The following VWA3B variants were observed in gnomAD, a reference collection of about 807,000 sequenced individuals.
The protein encoded by VWA3B is von Willebrand factor A domain containing 3B.
Under a neutral mutation model 158.3 loss-of-function variants are expected in VWA3B, and 138 were observed. That is an observed-to-expected ratio of 0.87 (90% CI 0.76 to 1.00). VWA3B has a LOEUF of 1.00. VWA3B is among the 50% of genes least tolerant of loss of function. The pLI, the probability that VWA3B is intolerant of heterozygous loss-of-function variation, is 0.00. For missense variants in VWA3B, 1,555 were observed against 1,565.1 expected (o/e 0.99, Z 0.11); for synonymous variants, 596 against 587.3 (o/e 1.01, Z -0.21).
chr2:98,312,251 G>T lies in VWA3B; in HGVS notation c.3787G>T (p.Ala1263Ser), dbSNP rs1690954593. Reference protein sequence around the residue: ...AAGRLGLSSHAIIATPPPRAA... With the variant: ...AAGRLGLSSHSIIATPPPRAA... ...CGGGCGTCTAGGACTCAGCAGCCAC[G>T]CCATCATTGCCACACCTCCACCTCG... is the stretch of plus-strand genomic sequence containing the variant. Residue 1263 changes from alanine (A) to serine (S), a missense_variant, in exon 28 of 28, where the codon GCC becomes TCC. Transcript: ENST00000477737. The T allele has an allele frequency of 1.2e-6, 2 of 1,614,092 alleles. No individual in the cohort carries two copies.
At chr2:98,212,451 A>T (rs1169165931) in intron 13 of VWA3B, among the ~76,000 whole-genome samples, 4 of 152,234 alleles carry the variant, frequency 2.6e-5, no homozygotes, top group African/African-American at 9.6e-5. Context: ...TTTAAACAAA[A>T]ACATGCCTTT....
At chr2:98,269,324 T>G (rs1688058768) in intron 21 of VWA3B, 1 of 152,110 alleles carries the variant, frequency 6.6e-6, no homozygotes. Flanking sequence ...GTGAAAAAGA[T>G]TTGCCCGTTT....
intron 8 of VWA3B, among the ~76,000 whole-genome samples, chr2:98,167,183 C>T (rs577009707): frequency 6.6e-6 from 1 of 152,114 alleles, no homozygotes; most frequent in African/African-American, 2.4e-5. Context: ...GCTGCCATTC[C>T]GCACACTGGT....
chr2:98,207,659 G>A (rs531595786), intron 12 of VWA3B: 12 of 446,416 alleles, frequency 2.7e-5, no homozygotes, highest in Non-Finnish European at 4.8e-5. Context: ...CTCTCAGAAC[G>A]GGCCTTCAGT....
At position 98,222,726 on chromosome 2, in the gene VWA3B, T is replaced by G. The variant is rs144617141; in HGVS notation, c.2019+4698T>G. ...GCAGCACCAGCAAGGACCAGTGGGG[T>G]CCAGAATGGCACCAGATTCGCAAAG... On this transcript the variant is annotated intron_variant, in intron 14 of 27. Transcript: ENST00000477737. 2.6e-3 allele frequency among the ~76,000 whole-genome samples: 389 copies of G among 152,232 alleles called. 2 individuals carry two copies. Among genetic ancestry groups the G allele is most frequent in the African/African-American group, 8.6e-3 (357 of 41,538 alleles).
At position 98,236,415 on chromosome 2, in the gene VWA3B, G is replaced by A; in HGVS notation, c.2454G>A (p.Glu818=). The A allele has an allele frequency of 6.2e-7, 1 of 1,614,236 alleles. No individual in the cohort carries two copies. The highest frequency in any genetic ancestry group is 1.1e-5 in the South Asian group (1 of 91,086). The change falls in exon 18 of 28, where the codon GAG becomes GAA. Residue 818 remains glutamate (E), a synonymous_variant. Coordinates refer to ENST00000477737, the MANE Select transcript of VWA3B (RefSeq NM_144992.5). ...DKEMSILLAE[E]WLDDKSSEKV... ...AAATGAGCATCTTGCTGGCTGAGGA[G>A]TGGCTGGATGACAAATCGTCAGAAA...
chr2:98,189,276 G>A (rs1229614815), intron 10 of VWA3B, among the ~76,000 whole-genome samples: 8 of 152,108 alleles, frequency 5.3e-5, no homozygotes, highest in African/African-American at 1.9e-4. Flanking sequence ...GCATGGTGGC[G>A]GGCACCTGTA....
chr2:98,298,467 CCAT>C (rs1689979557), intron 24 of VWA3B, among the ~76,000 whole-genome samples: 1 of 151,902 alleles, frequency 6.6e-6, no homozygotes, highest in Non-Finnish European at 1.5e-5. Flanking sequence ...CCATGCCATG[CCAT>C]CCCACCCCAT....
chr2:98,175,702 T>A (rs2105320518), intron 8 of VWA3B, among the ~76,000 whole-genome samples: 2 of 152,318 alleles, frequency 1.3e-5, no homozygotes, highest in Admixed American at 1.3e-4. Context: ...AACATTAATT[T>A]ACCCATCCAA....
At chr2:98,188,755 A>T (rs1166863297) in intron 10 of VWA3B, among the ~76,000 whole-genome samples, 3 of 152,160 alleles carry the variant, frequency 2.0e-5, no homozygotes, top group Non-Finnish European at 4.4e-5. Flanking sequence ...CCAACAAAAC[A>T]TTGTTAAGTC....
In VWA3B at chr2:98,311,030, T is replaced by C. The variant is rs1690856503; in HGVS notation, c.3522-789T>C. Among the ~76,000 whole-genome samples, 4 of 152,222 alleles carry C rather than the reference T, an allele frequency of 2.6e-5. No homozygotes were observed. The South Asian group carries it at 6.2e-4, about 24-fold the overall frequency. On this transcript the variant is annotated intron_variant, in intron 26 of 27. Coordinates refer to ENST00000477737, the MANE Select transcript of VWA3B (RefSeq NM_144992.5). Reference sequence around the variant, plus strand: ...ATCCGAAGCAGTAATAGTCAGAAGTTATGCGGAGTAAAAACAAAACAAAAA... The same window carrying C: ...ATCCGAAGCAGTAATAGTCAGAAGTCATGCGGAGTAAAAACAAAACAAAAA...
chr2:98,233,276 T>A (rs1043925232), intron 16 of VWA3B, among the ~76,000 whole-genome samples: 3 of 151,940 alleles, frequency 2.0e-5, no homozygotes, highest in African/African-American at 7.3e-5. Flanking sequence ...TGTAGAGGAG[T>A]GGTGAAATGC....
intron 20 of VWA3B, among the ~76,000 whole-genome samples, chr2:98,255,442 CAG>C (rs1687074355): frequency 6.6e-6 from 1 of 150,812 alleles, no homozygotes; most frequent in Non-Finnish European, 1.5e-5. Context: ...CATGATGACA[CAG>C]AACTGGGCTG....
chr2:98,178,936 G>A (rs534318605), intron 8 of VWA3B, among the ~76,000 whole-genome samples: 6 of 152,288 alleles, frequency 3.9e-5, no homozygotes, highest in African/African-American at 1.2e-4. Context: ...CCCCTTCTGC[G>A]TCTTCGTAGG....
chr2:98,147,848 C>CCT (rs1558602995), intron 7 of VWA3B, among the ~76,000 whole-genome samples: 1 of 138,606 alleles, frequency 7.2e-6, no homozygotes, highest in Non-Finnish European at 1.6e-5. Context: ...TATCACTCCC[C>CCT]CCTCCCCCCA....
chr2:98,139,144 C>A (rs1053177366), intron 7 of VWA3B, among the ~76,000 whole-genome samples: 4 of 152,226 alleles, frequency 2.6e-5, no homozygotes, highest in Admixed American at 6.5e-5. Flanking sequence ...GCTTAGCACC[C>A]AGGCCAGCAG....
intron 22 of VWA3B, among the ~76,000 whole-genome samples, chr2:98,286,999 A>G (rs1321151771): frequency 6.6e-6 from 1 of 152,158 alleles, no homozygotes; most frequent in Non-Finnish European, 1.5e-5. Context: ...CAAAATCACA[A>G]TGCCACTAAT....
At chr2:98,108,216 A>G (rs547455430) in intron 2 of VWA3B, among the ~76,000 whole-genome samples, 2 of 152,156 alleles carry the variant, frequency 1.3e-5, no homozygotes, top group South Asian at 4.1e-4. Flanking sequence ...CCCATCTTGG[A>G]CAGAGCACGT....
At chr2:98,234,492 T>C (rs1229882135) in intron 16 of VWA3B, among the ~76,000 whole-genome samples, 156 bp from the exon 17 acceptor site, 1 of 152,210 alleles carries the variant, frequency 6.6e-6, no homozygotes, top group Non-Finnish European at 1.5e-5. Flanking sequence ...GAGCAGGGCA[T>C]CCTGGCAGCA....
Sources: allele counts gnomAD v4.1 joint callset (sites outside exome capture counted in the v4.1 genomes callset), GRCh38; gene constraint gnomAD v4.1.1; transcripts MANE v1.5; gene names NCBI Gene and HGNC (gene_info 2026-07-23, HGNC 2026-07-21).